Variants in TRIO observed in about 807,000 individuals in gnomAD.
The protein encoded by TRIO is triple functional domain protein.
A neutral mutation model predicts 351.9 loss-of-function variants in TRIO; 58 were observed. The ratio of observed to expected loss-of-function variants is 0.16; its 90% CI spans 0.13 to 0.21. The LOEUF (loss-of-function observed/expected upper bound fraction) is 0.21, where lower values mean the gene tolerates loss of function less well. Ranked by LOEUF, TRIO falls within the 10% of genes least tolerant of loss-of-function variation. TRIO has a pLI of 1.00. For synonymous variants in TRIO, 1,758 were observed against 1,595.7 expected, an observed-to-expected ratio of 1.10 and a Z score of -2.42; for missense variants, 3,201 against 4,027.8, an observed-to-expected ratio of 0.79 and a Z score of 5.56.
intron 1 of TRIO, among the ~76,000 whole-genome samples, chr5:14,265,479 T>G (rs1795620658): frequency 6.6e-6 from 1 of 152,234 alleles, no homozygotes; most frequent in South Asian, 2.1e-4. Flanking sequence ...TTCATCTTTC[T>G]GCCAGTTATG....
At chr5:14,372,707 T>A (rs1413630973) in intron 18 of TRIO, among the ~76,000 whole-genome samples, 1 of 152,186 alleles carries the variant, frequency 6.6e-6, no homozygotes, top group African/African-American at 2.4e-5. Context: ...CATCATGGAT[T>A]TAAATATATT....
Position 14,341,089 on chromosome 5 carries a change from G to T in TRIO, c.2046+4362G>T, listed in dbSNP as rs572190700. On this transcript the variant is annotated intron_variant, in intron 11 of 56. Transcript: ENST00000344204. ...ATTGGCCTGACATAAGTTTGGGTTT[G>T]ATTTGGGAGGATCTTTCTCCTCCTA... Among the ~76,000 whole-genome samples, 7 of 152,292 alleles carry T rather than the reference G, an allele frequency of 4.6e-5. No individual in the cohort carries two copies. The South Asian group carries it at 1.4e-3, about 32-fold the overall frequency.
intron 1 of TRIO, among the ~76,000 whole-genome samples, chr5:14,160,674 A>G (rs1409837197): frequency 6.6e-6 from 1 of 152,222 alleles, no homozygotes; most frequent in Non-Finnish European, 1.5e-5. Context: ...TCAAGGTGGA[A>G]ATGAAATTTG....
intron 1 of TRIO, among the ~76,000 whole-genome samples, chr5:14,200,011 G>A (rs1201985727): frequency 6.6e-6 from 1 of 152,206 alleles, no homozygotes; most frequent in Admixed American, 6.5e-5. Flanking sequence ...GCGTCAGCTG[G>A]TTTTCTAGTG....
intron 13 of TRIO, among the ~76,000 whole-genome samples, chr5:14,362,223 C>G (rs540784011): frequency 2.6e-5 from 4 of 152,346 alleles, no homozygotes; most frequent in Non-Finnish European, 5.9e-5. Flanking sequence ...ACTGGTTAAG[C>G]TTCTTTGGTT....
In TRIO at chr5:14,278,378, G is replaced by A. The variant is rs1016479650; in HGVS notation, c.233-1944G>A. Among the ~76,000 whole-genome samples the A allele has an allele frequency of 2.6e-5, 4 of 152,118 alleles. No individual in the cohort carries two copies. In the East Asian group the frequency reaches 5.8e-4, roughly 22 times the overall value. ...ATGCCTTGCTTGACTTGTGAGCTAC[G>A]GTGACCCAGGAGGGAGGAGAGTGTC... On this transcript the variant is annotated intron_variant, in intron 2 of 56. Transcript: ENST00000344204.
chr5:14,177,641 C>T (rs1046708293), intron 1 of TRIO, among the ~76,000 whole-genome samples: 2 of 152,210 alleles, frequency 1.3e-5, no homozygotes, highest in Non-Finnish European at 2.9e-5. Context: ...TGGCTTCCAT[C>T]CCTCGCTGGG....
Position 14,286,898 on chromosome 5 carries a change from G to T in TRIO, c.375G>T (p.Thr125=), listed in dbSNP as rs145882464. The T allele has an allele frequency of 2.5e-6, 4 of 1,613,740 alleles. No homozygotes were observed. Among genetic ancestry groups the T allele is most frequent in the Non-Finnish European group, 3.4e-6 (4 of 1,179,786 alleles). ...AGGAGGTCTGCAAGCGTGGCTTCAC[G>T]GTGATCGTGGACATGCGTGGGTCCA... ...PSEEVCKRGF[T]VIVDMRGSKW... The change falls in exon 4 of 57, where the codon ACG becomes ACT. Residue 125 remains threonine (T), a synonymous_variant. Transcript: ENST00000344204. This position sits in a 1 kb window ranked among gnomAD's most constrained non-coding sequence, Gnocchi z 4.4.
chr5:14,147,797 C>T (rs1223241008), intron 1 of TRIO, among the ~76,000 whole-genome samples: 10 of 152,186 alleles, frequency 6.6e-5, no homozygotes, highest in Admixed American at 6.5e-4. Flanking sequence ...GCGGGCTGTG[C>T]TACTTCTGTT....
At chr5:14,184,046 T>C in intron 1 of TRIO, 2 of 687,190 alleles carry the variant, frequency 2.9e-6, no homozygotes, top group South Asian at 3.0e-5. Flanking sequence ...GGAGGACTGT[T>C]GATGGACCTT....
chr5:14,367,064 G>GTGGTTCCCATGGTCA, intron 16 of TRIO, 85 bp downstream of exon 16: 1 of 1,569,960 alleles, frequency 6.4e-7, no homozygotes, highest in Non-Finnish European at 8.6e-7. Context: ...CACTGACCAT[G>GTGGTTCCCATGGTCA]GGAACCACAT....
At chr5:14,438,695 C>T (rs903104323) in intron 34 of TRIO, among the ~76,000 whole-genome samples, 2 of 152,240 alleles carry the variant, frequency 1.3e-5, no homozygotes, top group Non-Finnish European at 2.9e-5. Context: ...AACTTATTTC[C>T]AGGGAAATTT....
At chr5:14,467,494 C>G (rs1485336399) in intron 37 of TRIO, among the ~76,000 whole-genome samples, 1 of 152,192 alleles carries the variant, frequency 6.6e-6, no homozygotes, top group Non-Finnish European at 1.5e-5. Flanking sequence ...TGGTAGATAA[C>G]TCACGAATTC....
intron 11 of TRIO, among the ~76,000 whole-genome samples, chr5:14,351,570 T>C (rs1044570116): frequency 3.1e-4 from 47 of 152,240 alleles, no homozygotes; most frequent in African/African-American, 1.1e-3. Flanking sequence ...CAAGTGCTTA[T>C]AGAAGTTGAA....
At chr5:14,156,247 C>G (rs1430295120) in intron 1 of TRIO, among the ~76,000 whole-genome samples, 1 of 152,146 alleles carries the variant, frequency 6.6e-6, no homozygotes, top group African/African-American at 2.4e-5. Flanking sequence ...TTGTGCTTTC[C>G]TTGCCCCAGG....
At chr5:14,250,183 CA>C (rs1263509289) in intron 1 of TRIO, among the ~76,000 whole-genome samples, 1 of 152,192 alleles carries the variant, frequency 6.6e-6, no homozygotes. Flanking sequence ...TCCCACAGTT[CA>C]TCTTTGCACA....
intron 28 of TRIO, 121 bp from the exon 29 acceptor site, chr5:14,396,922 C>T: frequency 5.3e-6 from 4 of 748,462 alleles, no homozygotes; most frequent in Non-Finnish European, 6.6e-6. Context: ...AACATATGCC[C>T]AGTTGACCAC....
chr5:14,289,594 T>C (rs1736739530), intron 4 of TRIO, among the ~76,000 whole-genome samples: 1 of 152,088 alleles, frequency 6.6e-6, no homozygotes, highest in Non-Finnish European at 1.5e-5. Flanking sequence ...ATGCCTGTAA[T>C]CCCAGCACTT....
intron 9 of TRIO, among the ~76,000 whole-genome samples, chr5:14,319,452 A>G (rs1041019047): frequency 6.6e-6 from 1 of 152,238 alleles, no homozygotes; most frequent in Non-Finnish European, 1.5e-5. Context: ...AGTTTTTGCC[A>G]TATTAAGCAT....
Sources: allele counts gnomAD v4.1 joint callset (sites outside exome capture counted in the v4.1 genomes callset), GRCh38; gene constraint gnomAD v4.1.1; non-coding constraint Gnocchi (gnomAD v3.1); transcripts MANE v1.5; gene names NCBI Gene and HGNC (gene_info 2026-07-23, HGNC 2026-07-21).